Variants in GBF1 observed in about 807,000 individuals in gnomAD.
GBF1 encodes the protein golgi brefeldin A resistant guanine nucleotide exchange factor 1, also known as Golgi-specific brefeldin A-resistance guanine nucleotide exchange factor 1.
Under a neutral mutation model 210.5 loss-of-function variants are expected in GBF1, and 114 were observed. The observed-to-expected ratio is 0.54, with a 90% CI of 0.47 to 0.63. The LOEUF is 0.63. Among genes scored for constraint, GBF1 ranks in the 30% least tolerant of loss-of-function variants. The pLI is 0.00. For missense variants in GBF1, 1,851 were observed against 2,357.7 expected, an observed-to-expected ratio of 0.79 and a Z score of 4.45; for synonymous variants, 850 against 889.2, an observed-to-expected ratio of 0.96 and a Z score of 0.78.
At chr10:102,271,150 G>A (rs1190678409) in intron 3 of GBF1, among the ~76,000 whole-genome samples, 1 of 151,958 alleles carries the variant, frequency 6.6e-6, no homozygotes, top group Non-Finnish European at 1.5e-5. Flanking sequence ...CCATTCTCCT[G>A]CCTCAGCCTC....
At chr10:102,325,494 G>T (rs1462923475) in intron 3 of GBF1, among the ~76,000 whole-genome samples, 1 of 146,298 alleles carries the variant, frequency 6.8e-6, no homozygotes, top group Non-Finnish European at 1.5e-5. Flanking sequence ...AGGTTGCAGT[G>T]AGCTGAGATT....
At chr10:102,306,702 G>A (rs1484787535) in intron 3 of GBF1, among the ~76,000 whole-genome samples, 6 of 152,248 alleles carry the variant, frequency 3.9e-5, no homozygotes, top group Admixed American at 3.3e-4. Context: ...GGGATTACAG[G>A]CGTGAGCCAC....
At chr10:102,323,329 G>A (rs995418280) in intron 3 of GBF1, among the ~76,000 whole-genome samples, 3 of 151,086 alleles carry the variant, frequency 2.0e-5, no homozygotes, top group African/African-American at 7.3e-5. Context: ...CATTTTCTCT[G>A]CATTCCGTAT....
intron 3 of GBF1, among the ~76,000 whole-genome samples, chr10:102,329,100 T>C (rs2057129994): frequency 1.3e-5 from 2 of 152,178 alleles, no homozygotes; most frequent in Admixed American, 6.6e-5. Context: ...CTCTGGTTTG[T>C]CTGTATGCTA....
Position 102,358,122 on chromosome 10 carries a change from C to G in GBF1, c.723C>G (p.Thr241=). The change falls in exon 9 of 40, where the codon ACC becomes ACG. Residue 241 remains threonine, a synonymous_variant. Transcript: ENST00000369983. ...KRSPRPPRHM[T]KVTPGSELPT... ...CCCCTCGGCCCCCACGCCATATGAC[C>G]AAAGTCACACCAGGTTCAGAGCTGC... The G allele has an allele frequency of 5.6e-6, 9 of 1,612,792 alleles. No homozygotes were observed. The highest frequency in any genetic ancestry group is 6.8e-6 in the Non-Finnish European group (8 of 1,178,788).
At chr10:102,303,952 A>G (rs183259904) in intron 3 of GBF1, among the ~76,000 whole-genome samples, 38 of 151,998 alleles carry the variant, frequency 2.5e-4, no homozygotes, top group African/African-American at 8.9e-4. Context: ...AGAGAAGTTT[A>G]TTTGCTATGG....
In GBF1 at chr10:102,382,682, C is replaced by T. The variant is rs1382012134; in HGVS notation, c.*346C>T. Reference sequence around the variant, plus strand: ...AGGCATTGAAAACTAAGCCCAACCACTCTGCACTTTGTTTCCCACTCCCAT... The same window carrying T: ...AGGCATTGAAAACTAAGCCCAACCATTCTGCACTTTGTTTCCCACTCCCAT... On this transcript the variant is annotated 3_prime_UTR_variant, in exon 40 of 40. Coordinates refer to ENST00000369983, the MANE Select transcript of GBF1 (RefSeq NM_001377137.1). The T allele has an allele frequency of 4.0e-6, 1 of 247,478 alleles. No homozygotes were observed. The highest frequency in any genetic ancestry group is 5.2e-5 in the Admixed American group (1 of 19,128). 15.3% of individuals were successfully genotyped at this position (247,478 alleles called of 1,614,324 possible).
intron 3 of GBF1, among the ~76,000 whole-genome samples, chr10:102,290,696 G>T (rs1231688639): frequency 6.6e-6 from 1 of 152,010 alleles, no homozygotes; most frequent in East Asian, 1.9e-4. Context: ...GTAGAGATGG[G>T]TTTTTGCCAT....
chr10:102,375,214 AAAG>A (rs2060428201), intron 29 of GBF1, 142 bp from the exon 30 acceptor site: 1 of 558,638 alleles, frequency 1.8e-6, no homozygotes, highest in Non-Finnish European at 3.2e-6. Flanking sequence ...AAAAAAAAAA[AAAG>A]ACCAGAGCAG....
chr10:102,247,527 T>C (rs1565005815), intron 1 of GBF1, among the ~76,000 whole-genome samples: 1 of 152,226 alleles, frequency 6.6e-6, no homozygotes, highest in African/African-American at 2.4e-5. Flanking sequence ...GTTGATATGC[T>C]TTGCATAACA....
intron 9 of GBF1, 62 bp downstream of exon 9, chr10:102,358,248 A>C (rs2059402735): frequency 6.8e-7 from 1 of 1,475,076 alleles, no homozygotes; most frequent in South Asian, 1.2e-5. Flanking sequence ...TCTCTTAGGG[A>C]TTTTGAAATT....
chr10:102,347,346 C>A (rs1180064638), intron 4 of GBF1, among the ~76,000 whole-genome samples: 1 of 152,314 alleles, frequency 6.6e-6, no homozygotes, highest in South Asian at 2.1e-4. Context: ...ACCCTAGTCC[C>A]AGCTTCATAC....
rs780454122 is a variant in GBF1 at position 102,377,084 on chromosome 10, G to A, written c.4438G>A (p.Glu1480Lys). 6.2e-7 allele frequency: 1 copy of A among 1,614,152 alleles called. No homozygotes were observed. Among genetic ancestry groups the A allele is most frequent in the South Asian group, 1.1e-5 (1 of 91,086 alleles). ...ASRGGQSDDD[E>K]DEGVPASYHT... Reference sequence around the variant, plus strand: ...TCGGGGCGGGCAGAGTGATGATGATGAGGACGAAGGCGTGCCTGCCAGCTA... The same window carrying A: ...TCGGGGCGGGCAGAGTGATGATGATAAGGACGAAGGCGTGCCTGCCAGCTA... The change falls in exon 33 of 40, where the codon GAG becomes AAG. Residue 1480 changes from glutamate to lysine, a missense_variant. Coordinates refer to ENST00000369983, the MANE Select transcript of GBF1 (RefSeq NM_001377137.1).
At chr10:102,308,099 G>A (rs569404740) in intron 3 of GBF1, among the ~76,000 whole-genome samples, 35 of 150,974 alleles carry the variant, frequency 2.3e-4, no homozygotes, top group Admixed American at 1.7e-3. Context: ...GAGCTGATTT[G>A]CCAGCAATTA....
intron 3 of GBF1, among the ~76,000 whole-genome samples, chr10:102,286,078 C>G (rs1386366222): frequency 6.6e-6 from 1 of 152,122 alleles, no homozygotes; most frequent in Admixed American, 6.5e-5. Flanking sequence ...TTTGCAAATT[C>G]ATCCTAACCA....
chr10:102,231,759 G>A, the GBF1 span: 1 of 1,606,638 alleles, frequency 6.2e-7, no homozygotes, highest in Admixed American at 1.7e-5. Context: ...CTGGGGAGCC[G>A]CCGGGCAGCG....
chr10:102,256,418 CTG>C (rs2072389192), intron 1 of GBF1, among the ~76,000 whole-genome samples: 1 of 151,794 alleles, frequency 6.6e-6, no homozygotes, highest in Non-Finnish European at 1.5e-5. Context: ...TTCCACTAAA[CTG>C]TATAAATGCC....
intron 3 of GBF1, among the ~76,000 whole-genome samples, chr10:102,303,658 G>A (rs906643147): frequency 6.6e-6 from 1 of 152,188 alleles, no homozygotes; most frequent in Non-Finnish European, 1.5e-5. Context: ...ACACCACGCA[G>A]CTTCAGTTCT....
intron 13 of GBF1, among the ~76,000 whole-genome samples, chr10:102,361,458 C>T (rs1433329523): frequency 6.6e-6 from 1 of 152,144 alleles, no homozygotes; most frequent in East Asian, 1.9e-4. Flanking sequence ...TAAATAGGAC[C>T]AGGTCATGTT....
Sources: gnomAD v4.1 joint callset for allele counts (sites outside exome capture counted in the v4.1 genomes callset) on GRCh38, gnomAD v4.1.1 for gene constraint, MANE v1.5 for transcripts, NCBI Gene and HGNC (gene_info 2026-07-23, HGNC 2026-07-21) for gene names.